The following SENP1 variants were observed in gnomAD, a reference collection of about 807,000 sequenced individuals.
The protein encoded by SENP1 is SUMO specific peptidase 1.
Under a neutral mutation model 93.0 loss-of-function variants are expected in SENP1, and 21 were observed. The observed-to-expected ratio is 0.23, with a 90% CI of 0.16 to 0.33. The LOEUF (loss-of-function observed/expected upper bound fraction) is 0.33, where lower values mean the gene tolerates loss of function less well. Among genes scored for constraint, SENP1 ranks in the 10% least tolerant of loss-of-function variants. The pLI is 1.00. For synonymous variants in SENP1, 256 were observed against 259.6 expected (o/e 0.99, Z 0.13); for missense variants, 591 against 758.7 (o/e 0.78, Z 2.60).
At chr12:48,072,921 C>T (rs892308966) in intron 8 of SENP1, among the ~76,000 whole-genome samples, 1 of 150,828 alleles carries the variant, frequency 6.6e-6, no homozygotes, top group Non-Finnish European at 1.5e-5. Context: ...TAAGGGGGAA[C>T]TACTGTAGTT....
chr12:48,085,380 C>A (rs562733429), intron 5 of SENP1: 61 of 1,334,910 alleles, frequency 4.6e-5, no homozygotes, highest in African/African-American at 1.7e-4. Flanking sequence ...CTCCACCCTG[C>A]GGAGGGCCAG....
At chr12:48,071,601 G>A (rs1258918694) in intron 9 of SENP1, 66 bp downstream of exon 9, 28 of 1,147,814 alleles carry the variant, frequency 2.4e-5, no homozygotes, top group Non-Finnish European at 3.6e-5. Context: ...GGGCAACAGA[G>A]CGAGACTCCG....
intron 1 of SENP1, among the ~76,000 whole-genome samples, chr12:48,103,821 C>G (rs1020378301): frequency 6.6e-6 from 1 of 152,150 alleles, no homozygotes; most frequent in Non-Finnish European, 1.5e-5. Context: ...AAAAAGATCA[C>G]AGTCTTGACA....
chr12:48,074,264 C>T lies in SENP1; in HGVS notation c.940+60G>A, dbSNP rs1943911077. ...ATATTACAATGTTGCCTGTAATGAG[C>T]TAATGAACAGTTAATTGGCTATTAG... On this transcript the variant is annotated intron_variant, in intron 8 of 17. Coordinates refer to ENST00000549518, the MANE Select transcript of SENP1 (RefSeq NM_001267594.2). 4 of 1,341,452 alleles carry T rather than the reference C, an allele frequency of 3.0e-6. No individual in the cohort carries two copies. The South Asian group carries it at 5.3e-5, about 18-fold the overall frequency. The allele number at this position is 1,341,452 out of a possible 1,614,324, so 83.1% of individuals were successfully genotyped here.
At chr12:48,047,186 T>G in intron 15 of SENP1, 124 bp from the exon 16 acceptor site, 1 of 614,632 alleles carries the variant, frequency 1.6e-6, no homozygotes, top group South Asian at 2.0e-5. Context: ...AGGAAAAGAG[T>G]ATATAATACT....
chr12:48,063,545 G>C, intron 13 of SENP1, 165 bp downstream of exon 13: 3 of 560,196 alleles, frequency 5.4e-6, no homozygotes, highest in Non-Finnish European at 9.0e-6. Flanking sequence ...AAAAATGCCT[G>C]TCTCCACCAC....
At chr12:48,066,845 A>C (rs928827556) in intron 10 of SENP1, 82 bp downstream of exon 10, 4 of 1,122,480 alleles carry the variant, frequency 3.6e-6, no homozygotes, top group Non-Finnish European at 5.3e-6. Flanking sequence ...AAAAATAAGC[A>C]GGATGATTAG....
intron 13 of SENP1, chr12:48,055,079 A>G: frequency 4.5e-6 from 1 of 224,278 alleles, no homozygotes; most frequent in Non-Finnish European, 9.4e-6. Flanking sequence ...TCATTCAACC[A>G]GTCGCCGTGG....
intron 16 of SENP1, among the ~76,000 whole-genome samples, 168 bp downstream of exon 16, chr12:48,046,810 T>C (rs1941403954): frequency 6.6e-6 from 1 of 152,080 alleles, no homozygotes; most frequent in Non-Finnish European, 1.5e-5. Context: ...AAACACACTA[T>C]CACTTTTCCT....
chr12:48,080,921 A>C (rs1194706178), intron 6 of SENP1, among the ~76,000 whole-genome samples: 1 of 152,188 alleles, frequency 6.6e-6, no homozygotes, highest in African/African-American at 2.4e-5. Flanking sequence ...CTCCACCTTC[A>C]TGTTCTCCAC....
chr12:48,067,893 C>T (rs1335157166), intron 9 of SENP1, among the ~76,000 whole-genome samples: 1 of 152,134 alleles, frequency 6.6e-6, no homozygotes, highest in East Asian at 1.9e-4. Context: ...TTGACTCTCA[C>T]TCTGTTGCCC....
At chr12:48,096,321 G>A (rs1369340876) in intron 4 of SENP1, 22 bp downstream of exon 4, 2 of 1,421,964 alleles carry the variant, frequency 1.4e-6, no homozygotes, top group African/African-American at 2.8e-5. Flanking sequence ...AAAGTCCCTT[G>A]ACTCCAAGTA....
intron 13 of SENP1, among the ~76,000 whole-genome samples, chr12:48,062,394 G>A (rs571171500): frequency 6.6e-6 from 1 of 152,146 alleles, no homozygotes; most frequent in Non-Finnish European, 1.5e-5. Context: ...GCCAAAAGAG[G>A]CAAAGAGGGT....
intron 13 of SENP1, among the ~76,000 whole-genome samples, chr12:48,059,893 C>T (rs1368789467): frequency 6.6e-6 from 1 of 152,098 alleles, no homozygotes; most frequent in Non-Finnish European, 1.5e-5. Context: ...GGTTTTTCTA[C>T]TCTTAACTGG....
Position 48,098,071 on chromosome 12 carries a change from G to A in SENP1, c.58C>T (p.His20Tyr), listed in dbSNP as rs1007065887. ...MDAGEVTLVN[H>Y]NSVFKTHLLP... The stretch of plus-strand genomic sequence containing the variant: ...AGGTGGGTTTTGAATACGGAGTTGT[G>A]GTTCACTAAAGTCACTTCTCCAGCA... Residue 20 changes from histidine to tyrosine, a missense_variant, in exon 3 of 18, where the codon CAC becomes TAC. This residue lies in a region of SENP1 where 214 missense variants were observed against 243.4 expected (regional missense o/e 0.88). Coordinates refer to ENST00000549518, the MANE Select transcript of SENP1 (RefSeq NM_001267594.2). 3 of 1,613,452 alleles carry A rather than the reference G, an allele frequency of 1.9e-6. No individual in the cohort carries two copies. Among genetic ancestry groups the A allele is most frequent in the African/African-American group, 2.7e-5 (2 of 75,004 alleles).
chr12:48,085,057 C>T, intron 5 of SENP1: 1 of 1,263,618 alleles, frequency 7.9e-7, no homozygotes, highest in Admixed American at 2.2e-5. Context: ...TGCCTGGCTG[C>T]AGGGATGGCG....
chr12:48,077,195 A>G (rs1337157455), intron 6 of SENP1, among the ~76,000 whole-genome samples: 2 of 152,186 alleles, frequency 1.3e-5, no homozygotes, highest in Non-Finnish European at 2.9e-5. Flanking sequence ...CCCTTATAGA[A>G]TGGATGCAAA....
rs1458897655 is a variant in SENP1 at position 48,066,846 on chromosome 12, G to A, written c.1034+81C>T. 7 of 1,139,340 alleles carry A rather than the reference G, an allele frequency of 6.1e-6. No homozygotes were observed. In the Admixed American group the frequency reaches 1.4e-4, roughly 23 times the overall value. The allele number at this position is 1,139,340 out of a possible 1,614,324, so 70.6% of individuals were successfully genotyped here. A position where few individuals can be genotyped will look rare whatever the true frequency, so the allele number is the denominator to read the frequency against. ...ACTTCTTATTGGCAAAAAATAAGCA[G>A]GATGATTAGCTAATTGTTTGATTTC... On this transcript the variant is annotated intron_variant, in intron 10 of 17. Coordinates refer to ENST00000549518, the MANE Select transcript of SENP1 (RefSeq NM_001267594.2).
chr12:48,101,788 G>A (rs1187968068), intron 1 of SENP1, among the ~76,000 whole-genome samples: 3 of 152,280 alleles, frequency 2.0e-5, no homozygotes, highest in South Asian at 2.1e-4. Flanking sequence ...AATTGGGAGC[G>A]CCAACCCTTA....
Sources: gnomAD v4.1 joint callset for allele counts (sites outside exome capture counted in the v4.1 genomes callset) on GRCh38, gnomAD v4.1.1 for gene constraint, gnomAD v4.1.1 regional missense constraint, MANE v1.5 for transcripts, NCBI Gene and HGNC (gene_info 2026-07-23, HGNC 2026-07-21) for gene names.